Variants in PTPRN2 observed in about 807,000 individuals in gnomAD.
The protein encoded by PTPRN2 is receptor-type tyrosine-protein phosphatase N2.
A neutral mutation model predicts 118.8 loss-of-function variants in PTPRN2; 74 were observed. That is an observed-to-expected ratio of 0.62 (90% CI 0.52 to 0.76). The LOEUF is 0.76. Ranked by LOEUF, PTPRN2 falls within the 30% of genes least tolerant of loss-of-function variation. PTPRN2 has a pLI of 0.00. For missense variants in PTPRN2, 1,481 were observed against 1,394.4 expected, an observed-to-expected ratio of 1.06 and a Z score of -0.99; for synonymous variants, 641 against 608.0, an observed-to-expected ratio of 1.05 and a Z score of -0.80.
chr7:158,291,289 G>A (rs1181127712), intron 3 of PTPRN2, among the ~76,000 whole-genome samples: 1 of 152,120 alleles, frequency 6.6e-6, no homozygotes, highest in African/African-American at 2.4e-5. Context: ...ACACTTGAGG[G>A]TTCTAGGGAT....
At chr7:158,108,028 C>T (rs922790346) in intron 10 of PTPRN2, among the ~76,000 whole-genome samples, 1 of 151,980 alleles carries the variant, frequency 6.6e-6, no homozygotes, top group Non-Finnish European at 1.5e-5. Context: ...ACACCTGCCC[C>T]CCAAAAAACA....
intron 19 of PTPRN2, among the ~76,000 whole-genome samples, chr7:157,576,009 A>G (rs1025309021): frequency 1.3e-5 from 2 of 152,106 alleles, no homozygotes; most frequent in African/African-American, 4.8e-5. Context: ...TTCATTGTCA[A>G]TTTCTTCCTG....
chr7:157,556,159 T>C (rs1026823901), intron 21 of PTPRN2, among the ~76,000 whole-genome samples: 8 of 152,136 alleles, frequency 5.3e-5, no homozygotes, highest in African/African-American at 1.9e-4. Flanking sequence ...CAGACCTGGG[T>C]CTCAGGGATG....
intron 12 of PTPRN2, among the ~76,000 whole-genome samples, chr7:157,720,683 C>T (rs1799184809): frequency 6.6e-6 from 1 of 152,218 alleles, no homozygotes; most frequent in Non-Finnish European, 1.5e-5. Context: ...CAAGCGCTTT[C>T]TGGGGAGAAA....
At chr7:157,911,302 A>G (rs1798093954) in intron 11 of PTPRN2, among the ~76,000 whole-genome samples, 1 of 152,198 alleles carries the variant, frequency 6.6e-6, no homozygotes, top group Admixed American at 6.5e-5. Context: ...TTAGAGATTT[A>G]CCACGATGCA....
chr7:157,648,903 G>A lies in PTPRN2; in HGVS notation c.2196+7454C>T, dbSNP rs1167730387. The stretch of plus-strand genomic sequence containing the variant: ...ATCCAGCGTGCACTGAACTCGGTGG[G>A]TTGGACCCTTTCACTGTGCACTGAA... On this transcript the variant is annotated intron_variant, in intron 14 of 22. Transcript: ENST00000389418. 1.4e-5 allele frequency among the ~76,000 whole-genome samples: 2 copies of A among 146,938 alleles called. 1 individual carries two copies. The highest frequency in any genetic ancestry group is 5.0e-5 in the African/African-American group (2 of 39,944).
At chr7:157,752,485 C>A (rs550364898) in intron 12 of PTPRN2, among the ~76,000 whole-genome samples, 1 of 152,214 alleles carries the variant, frequency 6.6e-6, no homozygotes, top group Non-Finnish European at 1.5e-5. Flanking sequence ...GCGACTGGTG[C>A]GCGGTGTGGC....
intron 5 of PTPRN2, among the ~76,000 whole-genome samples, chr7:158,169,848 C>A (rs369661339): frequency 6.6e-6 from 1 of 151,146 alleles, no homozygotes; most frequent in Non-Finnish European, 1.5e-5. Context: ...CCCTTCACCA[C>A]GCCCTGCTAA....
chr7:158,410,656 C>T (rs1813974003), intron 2 of PTPRN2, among the ~76,000 whole-genome samples: 1 of 152,220 alleles, frequency 6.6e-6, no homozygotes, highest in African/African-American at 2.4e-5. Flanking sequence ...CTGGGAATGT[C>T]CAGCCAGAGC....
intron 14 of PTPRN2, among the ~76,000 whole-genome samples, chr7:157,639,501 C>T (rs13239831): frequency 0.22 from 33,215 of 152,168 alleles, 3,873 homozygotes; most frequent in Non-Finnish European, 0.26. Flanking sequence ...GTGTCTTCCT[C>T]CACAGACACG....
intron 5 of PTPRN2, among the ~76,000 whole-genome samples, chr7:158,183,876 CAG>C (rs1056100541): frequency 6.6e-6 from 1 of 152,222 alleles, no homozygotes; most frequent in African/African-American, 2.4e-5. Flanking sequence ...AAAAAGTTCA[CAG>C]TGTGAATCTT....
intron 12 of PTPRN2, chr7:157,739,113 T>C (rs1424148753): frequency 6.6e-6 from 1 of 152,182 alleles, no homozygotes; most frequent in Non-Finnish European, 1.5e-5. Flanking sequence ...CAGGCCTTTC[T>C]CTAAAACCCA....
intron 2 of PTPRN2, among the ~76,000 whole-genome samples, chr7:158,458,776 G>A (rs529242062): frequency 4.9e-4 from 74 of 152,290 alleles, no homozygotes; most frequent in Non-Finnish European, 9.1e-4. Flanking sequence ...CGCTGCCTAA[G>A]AGCAGAGACT....
chr7:158,333,484 C>A (rs1306358171), intron 2 of PTPRN2, among the ~76,000 whole-genome samples: 6 of 146,652 alleles, frequency 4.1e-5, no homozygotes, highest in East Asian at 3.9e-4. Flanking sequence ...TAAGAGGTGA[C>A]ACCTGGAGAC....
At chr7:157,850,229 G>A (rs1408704683) in intron 12 of PTPRN2, among the ~76,000 whole-genome samples, 1 of 152,176 alleles carries the variant, frequency 6.6e-6, no homozygotes, top group Non-Finnish European at 1.5e-5. Context: ...TCCGAAGTGC[G>A]GAGCCTCAGG....
chr7:158,586,589 G>A (rs1315031353), intron 1 of PTPRN2, among the ~76,000 whole-genome samples: 2 of 152,254 alleles, frequency 1.3e-5, no homozygotes, highest in Non-Finnish European at 2.9e-5. Flanking sequence ...AAGATTAGCA[G>A]GAAAGGAGGT....
At chr7:157,781,454 A>G (rs1160451495) in intron 12 of PTPRN2, among the ~76,000 whole-genome samples, 1 of 152,230 alleles carries the variant, frequency 6.6e-6, no homozygotes, top group African/African-American at 2.4e-5. Flanking sequence ...GAATCAGGCC[A>G]GACTCGACCA....
rs1159941326 is a variant in PTPRN2, at chr7:157,682,832, C to T, written c.1894G>A (p.Ala632Thr). 1.2e-6 allele frequency: 2 copies of T among 1,614,024 alleles called. No homozygotes were observed. Among genetic ancestry groups the T allele is most frequent in the Non-Finnish European group, 1.7e-6 (2 of 1,179,982 alleles). Residue 632 changes from alanine (A) to threonine (T), a missense_variant, in exon 13 of 23, where the codon GCC (alanine) becomes ACC (threonine). Around this residue, in one of 3 missense-constraint regions of PTPRN2, gnomAD observed 1,115 missense variants for 994.2 expected, o/e 1.12. Transcript: ENST00000389418. Reference protein sequence around the residue: ...SLACILGVLLASGLIYCLRHS... With the variant: ...SLACILGVLLTSGLIYCLRHS... Reference sequence around the variant, plus strand: ...CGGAGGCAGTAGATGAGGCCAGAGGCCAGGAGGACGCCCAGGATGCAGGCG... The same window carrying T: ...CGGAGGCAGTAGATGAGGCCAGAGGTCAGGAGGACGCCCAGGATGCAGGCG...
intron 2 of PTPRN2, among the ~76,000 whole-genome samples, chr7:158,387,459 A>G (rs1811496431): frequency 6.6e-6 from 1 of 152,252 alleles, no homozygotes. Flanking sequence ...CTTGTTTTGT[A>G]AGACGGTAGC....
Sources: allele counts gnomAD v4.1 joint callset (sites outside exome capture counted in the v4.1 genomes callset), GRCh38; gene constraint gnomAD v4.1.1; regional missense constraint gnomAD v4.1.1; transcripts MANE v1.5; gene names NCBI Gene and HGNC (gene_info 2026-07-23, HGNC 2026-07-21).